Variants in MCTP2 observed in about 807,000 individuals in gnomAD.
The protein encoded by MCTP2 is multiple C2 and transmembrane domain containing 2.
In MCTP2, 132 loss-of-function variants were observed where a neutral mutation model predicts 111.6. The ratio of observed to expected loss-of-function variants is 1.18; its 90% confidence interval spans 1.03 to 1.37. The LOEUF (loss-of-function observed/expected upper bound fraction) is 1.37, where lower values mean the gene tolerates loss of function less well. MCTP2 is among the 40% of genes most tolerant of loss of function. The pLI is 0.00. For missense variants in MCTP2, 1,183 were observed against 1,067.9 expected, an observed-to-expected ratio of 1.11 and a Z score of -1.50; for synonymous variants, 395 against 387.7, an observed-to-expected ratio of 1.02 and a Z score of -0.22.
At chr15:94,433,224 G>A (rs999948240) in intron 17 of MCTP2, among the ~76,000 whole-genome samples, 3 of 152,122 alleles carry the variant, frequency 2.0e-5, no homozygotes, top group Admixed American at 6.5e-5. Flanking sequence ...CATGAGTCAT[G>A]TTCTCCTATC....
At chr15:94,351,830 T>G (rs1453234077) in intron 8 of MCTP2, among the ~76,000 whole-genome samples, 2 of 152,204 alleles carry the variant, frequency 1.3e-5, no homozygotes, top group African/African-American at 2.4e-5. Flanking sequence ...TAATCTTGCT[T>G]TAGATGGCCG....
chr15:94,372,728 G>A (rs1001170568), intron 12 of MCTP2, among the ~76,000 whole-genome samples: 2 of 151,788 alleles, frequency 1.3e-5, no homozygotes, highest in African/African-American at 4.8e-5. Flanking sequence ...TTATAAATGA[G>A]CGTTCATTTA....
At chr15:94,442,995 A>C (rs76307439) in intron 19 of MCTP2, 35 bp downstream of exon 19, 17 of 1,598,532 alleles carry the variant, frequency 1.1e-5, no homozygotes, top group Non-Finnish European at 1.5e-5. Context: ...ACACAAAAAA[A>C]CACTAGTGTT....
chr15:94,389,107 G>T (rs28610475), intron 14 of MCTP2, among the ~76,000 whole-genome samples: 1,637 of 152,324 alleles, frequency 0.011, 24 homozygotes, highest in African/African-American at 0.038. Context: ...GCAGTGGGAA[G>T]TAGGACGGAT....
At chr15:94,354,244 T>C (rs944097756) in intron 8 of MCTP2, among the ~76,000 whole-genome samples, 2 of 152,270 alleles carry the variant, frequency 1.3e-5, no homozygotes, top group Non-Finnish European at 2.9e-5. Context: ...TATGTGTGTG[T>C]GTGTGTCTGT....
chr15:94,391,432 G>C (rs1267846699), intron 14 of MCTP2, among the ~76,000 whole-genome samples: 1 of 152,146 alleles, frequency 6.6e-6, no homozygotes, highest in African/African-American at 2.4e-5. Context: ...TAAATCTGTT[G>C]CCAAGGTTTG....
In MCTP2 at chr15:94,415,383, G is replaced by C. The variant is rs375548489; in HGVS notation, c.2085+13364G>C. Reference sequence around the variant, plus strand: ...AAAGCAATAAGAGATGTTATTTACCGTACCGTTGTTACTTGCTCTTTAAAT... The same window carrying C: ...AAAGCAATAAGAGATGTTATTTACCCTACCGTTGTTACTTGCTCTTTAAAT... On this transcript the variant is annotated intron_variant, in intron 17 of 22. Coordinates refer to ENST00000357742, the MANE Select transcript of MCTP2 (RefSeq NM_001385001.1). Among the ~76,000 whole-genome samples the C allele has an allele frequency of 1.6e-4, 25 of 152,088 alleles. No homozygotes were observed. In the South Asian group the frequency reaches 5.0e-3, roughly 30 times the overall value.
At chr15:94,388,790 C>T (rs1015972280) in intron 14 of MCTP2, among the ~76,000 whole-genome samples, 7 of 152,012 alleles carry the variant, frequency 4.6e-5, no homozygotes, top group Non-Finnish European at 7.4e-5. Flanking sequence ...ACTGAAGCAC[C>T]GAAAGGATCC....
chr15:94,237,034 T>C (rs773924805), intron 1 of MCTP2, among the ~76,000 whole-genome samples: 4 of 152,042 alleles, frequency 2.6e-5, no homozygotes, highest in Non-Finnish European at 5.9e-5. Context: ...TAAGTCAGTA[T>C]TGGAGGAGGA....
At chr15:94,371,817 T>G (rs1479861200) in intron 12 of MCTP2, among the ~76,000 whole-genome samples, 1 of 152,114 alleles carries the variant, frequency 6.6e-6, no homozygotes, top group East Asian at 1.9e-4. Flanking sequence ...GTCTCCCCAG[T>G]AGCTGAGATT....
At chr15:94,317,498 G>A (rs1288024410) in intron 4 of MCTP2, among the ~76,000 whole-genome samples, 3 of 152,202 alleles carry the variant, frequency 2.0e-5, no homozygotes. Context: ...GCCGGGCATT[G>A]CTCAGCCTCA....
At chr15:94,245,608 A>C (rs1017234705) in intron 1 of MCTP2, among the ~76,000 whole-genome samples, 3 of 145,504 alleles carry the variant, frequency 2.1e-5, no homozygotes, top group Non-Finnish European at 4.5e-5. Context: ...ATAGACATAT[A>C]CATATGTACA....
chr15:94,404,556 C>G (rs1186738765), intron 17 of MCTP2, among the ~76,000 whole-genome samples: 1 of 152,146 alleles, frequency 6.6e-6, no homozygotes, highest in African/African-American at 2.4e-5. Context: ...ATCTCGGCCT[C>G]CCAAAGTGCT....
intron 22 of MCTP2, 125 bp from the exon 23 acceptor site, chr15:94,478,840 GA>G (rs1469848529): frequency 2.8e-5 from 21 of 737,548 alleles, no homozygotes; most frequent in Non-Finnish European, 2.8e-5. Context: ...CCTGTGTTTA[GA>G]AAATGATTCA....
chr15:94,467,414 T>TA (rs61562124), intron 20 of MCTP2, among the ~76,000 whole-genome samples: 7 of 41,406 alleles, frequency 1.7e-4, no homozygotes, highest in East Asian at 1.0e-3. Flanking sequence ...TGTTACTTAC[T>TA]TTTATTATAA....
intron 17 of MCTP2, among the ~76,000 whole-genome samples, chr15:94,435,942 C>T (rs942607938): frequency 1.3e-5 from 2 of 152,110 alleles, no homozygotes; most frequent in Non-Finnish European, 2.9e-5. Context: ...ATGCTATATT[C>T]TTCTAAACAA....
At chr15:94,260,384 A>G (rs1393633632) in intron 1 of MCTP2, among the ~76,000 whole-genome samples, 2 of 152,160 alleles carry the variant, frequency 1.3e-5, no homozygotes, top group African/African-American at 4.8e-5. Context: ...TGCAGCCTTC[A>G]TTGATAGGCT....
chr15:94,422,035 C>T (rs1285095564), intron 17 of MCTP2, among the ~76,000 whole-genome samples: 1 of 152,144 alleles, frequency 6.6e-6, no homozygotes, highest in African/African-American at 2.4e-5. Flanking sequence ...GTACTATAGA[C>T]ATTTTAAACT....
chr15:94,388,440 A>G (rs2080654442), intron 14 of MCTP2, among the ~76,000 whole-genome samples: 1 of 152,222 alleles, frequency 6.6e-6, no homozygotes, highest in Non-Finnish European at 1.5e-5. Flanking sequence ...GTCCACCTGC[A>G]ACATTCCCTC....
Sources: allele counts gnomAD v4.1 joint callset (sites outside exome capture counted in the v4.1 genomes callset), GRCh38; gene constraint gnomAD v4.1.1; transcripts MANE v1.5; gene names NCBI Gene and HGNC (gene_info 2026-07-23, HGNC 2026-07-21).